CLK3: variants seen among roughly 807,000 people sequenced by gnomAD.
CLK3 encodes the protein dual specificity protein kinase CLK3.
Under a neutral mutation model 65.2 loss-of-function variants are expected in CLK3, and 24 were observed. The ratio of observed to expected loss-of-function variants is 0.37; its 90% CI spans 0.27 to 0.52. The LOEUF (loss-of-function observed/expected upper bound fraction) is 0.52. CLK3 is among the 20% of genes least tolerant of loss of function. The pLI is 0.92. For missense variants in CLK3, 506 were observed against 660.0 expected, an observed-to-expected ratio of 0.77 and a Z score of 2.56; for synonymous variants, 252 against 240.8, an observed-to-expected ratio of 1.05 and a Z score of -0.43.
rs765869075 is a variant in CLK3 at position 74,622,257 on chromosome 15, AC to A, written c.466+47del. The stretch of plus-strand genomic sequence containing the variant: ...GTAAAACTTTACCTCTCTACTTTCT[AC>A]CCCCCTTGTTAGACGAGACCTCTCC... On this transcript the variant is annotated intron_variant, in intron 4 of 12. Coordinates refer to ENST00000395066, the MANE Select transcript of CLK3 (RefSeq NM_001130028.2). The surrounding 1 kb of genome is among the most constrained non-coding windows in gnomAD (Gnocchi z 4.6). The A allele has an allele frequency of 5.7e-6, 9 of 1,572,826 alleles. No individual in the cohort carries two copies. Among genetic ancestry groups the A allele is most frequent in the South Asian group, 4.5e-5 (4 of 88,442 alleles).
chr15:74,615,801 AG>A (rs1286357038), upstream of CLK3: 1 of 1,243,030 alleles, frequency 8.0e-7, no homozygotes, highest in Non-Finnish European at 1.0e-6. Flanking sequence ...GCGTCACGCG[AG>A]GGGGCGGGGC....
chr15:74,622,546 C>T lies in CLK3; in HGVS notation c.519C>T (p.Cys173=). Residue 173 remains cysteine (C), a synonymous_variant, in exon 5 of 13, where the codon TGC becomes TGT. Coordinates refer to ENST00000395066, the MANE Select transcript of CLK3 (RefSeq NM_001130028.2). The surrounding 1 kb of genome is among the most constrained non-coding windows in gnomAD (Gnocchi z 4.6). Reference sequence around the variant, plus strand: ...GCACCTTTGGCAAGGTGGTGGAGTGCTTGGACCATGCCAGGTGAGCGAGCT... The same window carrying T: ...GCACCTTTGGCAAGGTGGTGGAGTGTTTGGACCATGCCAGGTGAGCGAGCT... ...GEGTFGKVVE[C]LDHARGKSQV... 1 of 1,612,502 alleles carries T rather than the reference C, an allele frequency of 6.2e-7. No individual in the cohort carries two copies. The highest frequency in any genetic ancestry group is 1.7e-5 in the Admixed American group (1 of 59,788).
At chr15:74,628,455 T>G (rs1596291840) in intron 10 of CLK3, 149 bp from the exon 11 acceptor site, 1 of 606,582 alleles carries the variant, frequency 1.6e-6, no homozygotes, top group Non-Finnish European at 3.0e-6. Flanking sequence ...AGGCACAGGC[T>G]GGCAGGAGAA....
Position 74,625,036 on chromosome 15 carries a change from G to C in CLK3, c.650+18G>C. On this transcript the variant is annotated intron_variant, in intron 6 of 12. Transcript: ENST00000395066. ...AACAAGTTGTGAGTATCTGCAAGGAGTGGGAGGGAAGCCTTCAGTGGGGCT... is the reference window on the plus strand; with the variant it reads ...AACAAGTTGTGAGTATCTGCAAGGACTGGGAGGGAAGCCTTCAGTGGGGCT... 6.3e-7 allele frequency: 1 copy of C among 1,587,908 alleles called. No homozygotes were observed. Among genetic ancestry groups the C allele is most frequent in the South Asian group, 1.1e-5 (1 of 90,548 alleles).
Position 74,627,079 on chromosome 15 carries a change from G to A in CLK3, c.818-273G>A, listed in dbSNP as rs2062148926. 2 of 546,350 alleles carry A rather than the reference G, an allele frequency of 3.7e-6. No individual in the cohort carries two copies. The highest frequency in any genetic ancestry group is 1.5e-5 in the South Asian group (1 of 65,504). 33.8% of individuals were successfully genotyped at this position (546,350 alleles called of 1,614,324 possible). A position where few individuals can be genotyped will look rare whatever the true frequency, so the allele number is the denominator to read the frequency against. On this transcript the variant is annotated intron_variant, in intron 7 of 12. Coordinates refer to ENST00000395066, the MANE Select transcript of CLK3 (RefSeq NM_001130028.2). The surrounding 1 kb of genome is among the most constrained non-coding windows in gnomAD (Gnocchi z 4.3). Reference sequence around the variant, plus strand: ...TGCTGAGAGACAGGTGAGGAGGCCTGGTCTCTGCAGAGGAGAGGTGGAGGG... The same window carrying A: ...TGCTGAGAGACAGGTGAGGAGGCCTAGTCTCTGCAGAGGAGAGGTGGAGGG...
rs142199523 is a variant in CLK3, at chr15:74,619,826, C to T, written c.153-183C>T. ...ACAGCTGGAGGATGCTGTCGTTGGACAGGGCTCTGGAGGGCGGGCTTAGTA... is the reference window on the plus strand; with the variant it reads ...ACAGCTGGAGGATGCTGTCGTTGGATAGGGCTCTGGAGGGCGGGCTTAGTA... On this transcript the variant is annotated intron_variant, in intron 2 of 12. Coordinates refer to ENST00000395066, the MANE Select transcript of CLK3 (RefSeq NM_001130028.2). 9.0e-6 allele frequency: 8 copies of T among 891,710 alleles called. No individual in the cohort carries two copies. In the African/African-American group the frequency reaches 1.0e-4, roughly 11 times the overall value. The allele number at this position is 891,710 out of a possible 1,614,324, so 55.2% of individuals were successfully genotyped here.
At chr15:74,623,389 T>C (rs2062118648) in intron 5 of CLK3, among the ~76,000 whole-genome samples, 2 of 152,076 alleles carry the variant, frequency 1.3e-5, no homozygotes, top group African/African-American at 4.8e-5. Flanking sequence ...ATGCTCAGGG[T>C]TTGCCTGCAT....
upstream of CLK3, among the ~76,000 whole-genome samples, chr15:74,611,572 G>A (rs1324009333): frequency 6.6e-6 from 1 of 152,328 alleles, no homozygotes; most frequent in East Asian, 1.9e-4. Context: ...TTCTCTGCCC[G>A]CCTCCAGTCC....
upstream of CLK3, among the ~76,000 whole-genome samples, chr15:74,614,344 CCTT>C (rs768537744): frequency 1.3e-5 from 2 of 152,102 alleles, no homozygotes; most frequent in Non-Finnish European, 2.9e-5. Context: ...GACAGGGTCT[CCTT>C]CTGTCGACCA....
At chr15:74,620,271 C>T in intron 3 of CLK3, 46 bp downstream of exon 3, 1 of 1,608,062 alleles carries the variant, frequency 6.2e-7, no homozygotes, top group Non-Finnish European at 8.5e-7. Context: ...AAGGCCTCAT[C>T]TCTTCCTAGC....
intron 1 of CLK3, among the ~76,000 whole-genome samples, chr15:74,617,126 T>C (rs2062066761): frequency 6.6e-6 from 1 of 152,224 alleles, no homozygotes; most frequent in Non-Finnish European, 1.5e-5. Flanking sequence ...TGTGGTACCT[T>C]ATAACTCTCA....
chr15:74,628,701 C>T lies in CLK3; in HGVS notation c.1205+18C>T. On this transcript the variant is annotated intron_variant, in intron 11 of 12. Coordinates refer to ENST00000395066, the MANE Select transcript of CLK3 (RefSeq NM_001130028.2). The stretch of plus-strand genomic sequence containing the variant: ...CGTACCAGGTAAGGACCCCAGTAGC[C>T]CCCTCAGGGTTGGTATAGAGGCCTT... 5 of 1,601,050 alleles carry T rather than the reference C, an allele frequency of 3.1e-6. No homozygotes were observed. Among genetic ancestry groups the T allele is most frequent in the Non-Finnish European group, 4.3e-6 (5 of 1,172,358 alleles).
intron 1 of CLK3, among the ~76,000 whole-genome samples, chr15:74,616,238 C>T (rs1158451260): frequency 1.3e-5 from 2 of 152,276 alleles, no homozygotes; most frequent in African/African-American, 2.4e-5. Context: ...TCCCCTACCC[C>T]TGGCTTCAGG....
chr15:74,628,094 A>C lies in CLK3; in HGVS notation c.1125+42A>C, dbSNP rs375091644. 126 of 1,382,196 alleles carry C rather than the reference A, an allele frequency of 9.1e-5. 1 individual carries two copies. The African/African-American group carries it at 1.6e-3, about 18-fold the overall frequency. 85.6% of individuals were successfully genotyped at this position (1,382,196 alleles called of 1,614,324 possible). On this transcript the variant is annotated intron_variant, in intron 10 of 12. Coordinates refer to ENST00000395066, the MANE Select transcript of CLK3 (RefSeq NM_001130028.2). Reference sequence around the variant, plus strand: ...TTGGTCCCCTACCCTGAGTACTGCTACTGTGATAGGCTGCAGGCCACTGGG... The same window carrying C: ...TTGGTCCCCTACCCTGAGTACTGCTCCTGTGATAGGCTGCAGGCCACTGGG...
chr15:74,621,766 T>G lies in CLK3; in HGVS notation c.370-354T>G, dbSNP rs1596288240. On this transcript the variant is annotated intron_variant, in intron 3 of 12. Coordinates refer to ENST00000395066, the MANE Select transcript of CLK3 (RefSeq NM_001130028.2). This position sits in a 1 kb window ranked among gnomAD's most constrained non-coding sequence, Gnocchi z 4.8. Reference sequence around the variant, plus strand: ...GACTCGGAGGAGGAGGAGGAGGGAGTCGGGGCGATGGCTCTCCTCACAGCG... The same window carrying G: ...GACTCGGAGGAGGAGGAGGAGGGAGGCGGGGCGATGGCTCTCCTCACAGCG... 19 of 336,708 alleles carry G rather than the reference T, an allele frequency of 5.6e-5. No homozygotes were observed. Among genetic ancestry groups the G allele is most frequent in the South Asian group, 1.2e-4 (5 of 42,348 alleles). The allele number at this position is 336,708 out of a possible 1,614,324, so 20.9% of individuals were successfully genotyped here. A position where few individuals can be genotyped will look rare whatever the true frequency, so the allele number is the denominator to read the frequency against.
rs1306174013 is a variant in CLK3 at position 74,622,959 on chromosome 15, A to G, written c.533+399A>G. On this transcript the variant is annotated intron_variant, in intron 5 of 12. Transcript: ENST00000395066. The surrounding 1 kb of genome is among the most constrained non-coding windows in gnomAD (Gnocchi z 4.6). ...GAGTACCAATAAGCCCAGCCCAAGCATAAGTCCCATTCCCTGAGGGTCTGC... is the reference window on the plus strand; with the variant it reads ...GAGTACCAATAAGCCCAGCCCAAGCGTAAGTCCCATTCCCTGAGGGTCTGC... Among the ~76,000 whole-genome samples the G allele has an allele frequency of 1.3e-5, 2 of 152,210 alleles. No individual in the cohort carries two copies. The highest frequency in any genetic ancestry group is 1.5e-5 in the Non-Finnish European group (1 of 68,036).
chr15:74,622,643 T>A lies in CLK3; in HGVS notation c.533+83T>A. 1 of 1,086,900 alleles carries A rather than the reference T, an allele frequency of 9.2e-7. No homozygotes were observed. Among genetic ancestry groups the A allele is most frequent in the Non-Finnish European group, 1.3e-6 (1 of 750,694 alleles). The allele number at this position is 1,086,900 out of a possible 1,614,324, so 67.3% of individuals were successfully genotyped here. On this transcript the variant is annotated intron_variant, in intron 5 of 12. Transcript: ENST00000395066. This position sits in a 1 kb window ranked among gnomAD's most constrained non-coding sequence, Gnocchi z 4.6. ...GCCTGAGGTTCTTGAGGGTGGCAGC[T>A]ATCAGAGCTTAACTTTTTTCTTTTT...
In CLK3 at chr15:74,629,917, C is replaced by G; in HGVS notation, c.*34C>G. On this transcript the variant is annotated 3_prime_UTR_variant, in exon 13 of 13. Coordinates refer to ENST00000395066, the MANE Select transcript of CLK3 (RefSeq NM_001130028.2). ...GGCCACCGCATGAGGAGATGGAGGG[C>G]GGGACTGGGCCGCCCAGCCCCTTGA... The G allele has an allele frequency of 6.3e-7, 1 of 1,575,898 alleles. No homozygotes were observed. The highest frequency in any genetic ancestry group is 8.6e-7 in the Non-Finnish European group (1 of 1,159,986).
chr15:74,615,918 CGCGGCGGCGACAGCG>C lies in CLK3; in HGVS notation c.-1+30_-1+44del. Reference sequence around the variant, plus strand: ...GAGACGGTAAGTGTGGGCTGGGGTCCGCGGCGGCGACAGCGGCGGCGGCGGCCGGGGGTGAGTCGG... The same window carrying C: ...GAGACGGTAAGTGTGGGCTGGGGTCCGCGGCGGCGGCCGGGGGTGAGTCGG... On this transcript the variant is annotated intron_variant, in intron 1 of 12. Coordinates refer to ENST00000395066, the MANE Select transcript of CLK3 (RefSeq NM_001130028.2). 1 of 1,243,166 alleles carries C rather than the reference CGCGGCGGCGACAGCG, an allele frequency of 8.0e-7. No individual in the cohort carries two copies. The highest frequency in any genetic ancestry group is 3.1e-5 in the East Asian group (1 of 32,134). The allele number at this position is 1,243,166 out of a possible 1,614,324, so 77.0% of individuals were successfully genotyped here.
Sources: allele counts gnomAD v4.1 joint callset (sites outside exome capture counted in the v4.1 genomes callset), GRCh38; gene constraint gnomAD v4.1.1; non-coding constraint Gnocchi (gnomAD v3.1); transcripts MANE v1.5; gene names NCBI Gene and HGNC (gene_info 2026-07-23, HGNC 2026-07-21).